The following TNRC6B variants were observed in gnomAD, a reference collection of about 807,000 sequenced individuals.
TNRC6B encodes the protein trinucleotide repeat-containing gene 6B protein.
Under a neutral mutation model 203.6 loss-of-function variants are expected in TNRC6B, and 52 were observed. The ratio of observed to expected loss-of-function variants is 0.26; its 90% CI spans 0.20 to 0.32. The LOEUF is 0.32. TNRC6B is among the 10% of genes least tolerant of loss of function. The pLI is 1.00. For missense variants in TNRC6B, 1,923 were observed against 2,286.2 expected (o/e 0.84, Z 3.24); for synonymous variants, 838 against 845.7 (o/e 0.99, Z 0.16).
At chr22:40,308,191 C>T (rs1202665009) in intron 15 of TNRC6B, among the ~76,000 whole-genome samples, 1 of 152,232 alleles carries the variant, frequency 6.6e-6, no homozygotes, top group African/African-American at 2.4e-5. Flanking sequence ...ATGTCGTCTT[C>T]TCCATCTCAG....
chr22:40,161,883 A>G (rs1166266638), intron 4 of TNRC6B, among the ~76,000 whole-genome samples: 1 of 152,196 alleles, frequency 6.6e-6, no homozygotes, highest in Non-Finnish European at 1.5e-5. Flanking sequence ...CTTTAATTGC[A>G]TGACGTGTTT....
At chr22:40,319,819 G>A (rs537003789) in intron 21 of TNRC6B, among the ~76,000 whole-genome samples, 75 of 152,208 alleles carry the variant, frequency 4.9e-4, no homozygotes, top group African/African-American at 1.7e-3. Flanking sequence ...CTTAGAGTTC[G>A]GTACTATTGG....
Position 40,215,889 on chromosome 22 carries a change from A to G in TNRC6B, c.6-30126A>G, listed in dbSNP as rs527384680. Among the ~76,000 whole-genome samples, 32 of 152,324 alleles carry G rather than the reference A, an allele frequency of 2.1e-4. 1 individual carries two copies. The South Asian group carries it at 5.8e-3, about 28-fold the overall frequency. ...CTGCATCTCAGCTTCTCCTTCATACATGCTCTGTTCTCTGTAGCCAGTGAC... is the reference window on the plus strand; with the variant it reads ...CTGCATCTCAGCTTCTCCTTCATACGTGCTCTGTTCTCTGTAGCCAGTGAC... On this transcript the variant is annotated intron_variant, in intron 1 of 22. Transcript: ENST00000454349.
At chr22:40,238,705 G>A (rs1345101986) in intron 1 of TNRC6B, among the ~76,000 whole-genome samples, 1 of 152,120 alleles carries the variant, frequency 6.6e-6, no homozygotes, top group African/African-American at 2.4e-5. Flanking sequence ...TTATATGGAA[G>A]GTGTTGCCCT....
chr22:40,217,741 G>A (rs1003980199), intron 1 of TNRC6B, among the ~76,000 whole-genome samples: 12 of 152,032 alleles, frequency 7.9e-5, no homozygotes, highest in East Asian at 3.9e-4. Flanking sequence ...TTGGGAGGCC[G>A]AGGTGGGTGG....
In TNRC6B at chr22:40,266,478, G is replaced by A. The variant is rs761233800; in HGVS notation, c.2248G>A (p.Gly750Arg). The change falls in exon 5 of 23, where the codon GGG becomes AGG. Residue 750 changes from glycine (G) to arginine (R), a missense_variant. This residue lies in a region of TNRC6B where 599 missense variants were observed against 656.5 expected (regional missense o/e 0.91). Coordinates refer to ENST00000454349, the MANE Select transcript of TNRC6B (RefSeq NM_001162501.2). ...ATGGTCTTCTGGAAAGAATGGTTGG[G>A]GGGAGGAAGTCGATCAGACAAAAAA... is the stretch of plus-strand genomic sequence containing the variant. The part of the protein sequence containing the change: ...QGWSSGKNGW[G>R]EEVDQTKNSN... The A allele has an allele frequency of 6.2e-7, 1 of 1,613,856 alleles. No homozygotes were observed. The highest frequency in any genetic ancestry group is 8.5e-7 in the Non-Finnish European group (1 of 1,179,800).
At position 40,084,850 on chromosome 22, in the gene TNRC6B, A is replaced by G. The variant is rs1216323294; in HGVS notation, c.-120-32205A>G. Among the ~76,000 whole-genome samples the G allele has an allele frequency of 5.9e-5, 9 of 152,148 alleles. No homozygotes were observed. In the South Asian group the frequency reaches 1.9e-3, roughly 31 times the overall value. On this transcript the variant is annotated intron_variant, in intron 1 of 23. Coordinates refer to the TNRC6B transcript ENST00000301923. ...TCATGCTCAGGAGTTTGGTGCATGT[A>G]TGTTAATTCTAAGTGCCTTGGTGTG...
intron 1 of TNRC6B, among the ~76,000 whole-genome samples, chr22:40,235,652 A>G (rs1157353097): frequency 1.3e-5 from 2 of 152,230 alleles, no homozygotes; most frequent in Non-Finnish European, 2.9e-5. Flanking sequence ...CACCACTAAA[A>G]TTCCTGGGAA....
chr22:40,091,256 A>AT (rs1250782284), intron 1 of TNRC6B, among the ~76,000 whole-genome samples: 1 of 151,988 alleles, frequency 6.6e-6, no homozygotes, highest in Non-Finnish European at 1.5e-5. Context: ...GCATGATGAT[A>AT]TTTTTTAAAA....
At chr22:40,296,139 C>T (rs2070935920) in intron 12 of TNRC6B, among the ~76,000 whole-genome samples, 1 of 152,004 alleles carries the variant, frequency 6.6e-6, no homozygotes, top group Non-Finnish European at 1.5e-5. Flanking sequence ...TACCGAATTC[C>T]AGCCTTAACC....
chr22:40,094,251 A>C (rs2068170936), intron 1 of TNRC6B, among the ~76,000 whole-genome samples: 1 of 152,162 alleles, frequency 6.6e-6, no homozygotes, highest in Non-Finnish European at 1.5e-5. Context: ...TATTTTATGG[A>C]ATTTAAGATG....
chr22:40,067,886 C>T (rs1178727613), intron 1 of TNRC6B, among the ~76,000 whole-genome samples: 1 of 152,120 alleles, frequency 6.6e-6, no homozygotes, highest in Admixed American at 6.5e-5. Flanking sequence ...CAATGCTTCA[C>T]CAGCCATCTA....
At position 40,246,011 on chromosome 22, in the gene TNRC6B, A is replaced by G; in HGVS notation, c.6-4A>G. On this transcript the variant is annotated splice_polypyrimidine_tract_variant and splice_region_variant and intron_variant, in intron 1 of 22. Transcript: ENST00000454349. ...AACCTTCTGTTATGATGTTACTTTAATAGAGAGAAGGAGCAAGAAAGGGAA... is the reference window on the plus strand; with the variant it reads ...AACCTTCTGTTATGATGTTACTTTAGTAGAGAGAAGGAGCAAGAAAGGGAA... 3 of 1,542,706 alleles carry G rather than the reference A, an allele frequency of 1.9e-6. No individual in the cohort carries two copies. Among genetic ancestry groups the G allele is most frequent in the Non-Finnish European group, 2.6e-6 (3 of 1,143,064 alleles).
chr22:40,299,026 A>G (rs1426154110), intron 12 of TNRC6B, among the ~76,000 whole-genome samples: 1 of 151,494 alleles, frequency 6.6e-6, no homozygotes, highest in Non-Finnish European at 1.5e-5. Context: ...TGTAATCACA[A>G]CACTTTGAGA....
At chr22:40,187,292 T>C (rs1053910329) in intron 1 of TNRC6B, among the ~76,000 whole-genome samples, 1 of 152,218 alleles carries the variant, frequency 6.6e-6, no homozygotes, top group Non-Finnish European at 1.5e-5. Context: ...TTAGAATACA[T>C]GTTGGCTTAT....
intron 1 of TNRC6B, among the ~76,000 whole-genome samples, chr22:40,059,205 C>A (rs2067827150): frequency 6.6e-6 from 1 of 152,088 alleles, no homozygotes; most frequent in Non-Finnish European, 1.5e-5. Flanking sequence ...ATTCATTGTC[C>A]CCCTTACTCT....
intron 1 of TNRC6B, among the ~76,000 whole-genome samples, chr22:40,223,398 C>G (rs2069742530): frequency 6.6e-6 from 1 of 152,162 alleles, no homozygotes; most frequent in South Asian, 2.1e-4. Flanking sequence ...CTTGACCTCC[C>G]AAAGTGCTGG....
chr22:40,266,490 G>C lies in TNRC6B; in HGVS notation c.2260G>C (p.Asp754His). 1 of 1,613,534 alleles carries C rather than the reference G, an allele frequency of 6.2e-7. No individual in the cohort carries two copies. Among genetic ancestry groups the C allele is most frequent in the South Asian group, 1.1e-5 (1 of 91,014 alleles). ...SGKNGWGEEV[D>H]QTKNSNWESS... The stretch of plus-strand genomic sequence containing the variant: ...AAAGAATGGTTGGGGGGAGGAAGTC[G>C]ATCAGACAAAAAACAGCAATTGGGA... Residue 754 changes from aspartate (D) to histidine (H), a missense_variant, in exon 5 of 23, where the codon GAT (aspartate) becomes CAT (histidine). By Grantham distance (81) the Asp-to-His change is moderately conservative. This residue lies in a region of TNRC6B where 599 missense variants were observed against 656.5 expected (regional missense o/e 0.91). Transcript: ENST00000454349.
At chr22:40,054,506 C>T (rs996893231) in intron 1 of TNRC6B, among the ~76,000 whole-genome samples, 1 of 152,122 alleles carries the variant, frequency 6.6e-6, no homozygotes, top group Non-Finnish European at 1.5e-5. Context: ...GTGTGTGTGT[C>T]TCCTCTTTAA....
Sources: gnomAD v4.1 joint callset for allele counts (sites outside exome capture counted in the v4.1 genomes callset) on GRCh38, gnomAD v4.1.1 for gene constraint, gnomAD v4.1.1 regional missense constraint, MANE v1.5 for transcripts, NCBI Gene and HGNC (gene_info 2026-07-23, HGNC 2026-07-21) for gene names.